Variants in ARMC3 observed in about 807,000 individuals in gnomAD.
The protein encoded by ARMC3 is armadillo repeat containing 3, also known as armadillo repeat-containing protein 3.
ARMC3 carries 74 observed loss-of-function variants against 90.3 expected under a neutral mutation model. The ratio of observed to expected loss-of-function variants is 0.82; its 90% confidence interval spans 0.68 to 0.99. The LOEUF (loss-of-function observed/expected upper bound fraction) is 0.99, where lower values mean the gene tolerates loss of function less well. ARMC3 is among the 50% of genes least tolerant of loss of function. The probability of loss-of-function intolerance (pLI) is 0.00; values close to 1 mark genes in which losing one functional copy is unlikely to be tolerated. For missense variants in ARMC3, 958 were observed against 1,042.8 expected, an observed-to-expected ratio of 0.92 and a Z score of 1.12; for synonymous variants, 334 against 361.8, an observed-to-expected ratio of 0.92 and a Z score of 0.87.
At chr10:23,005,719 C>T (rs1315273802) in intron 13 of ARMC3, among the ~76,000 whole-genome samples, 1 of 152,110 alleles carries the variant, frequency 6.6e-6, no homozygotes, top group Non-Finnish European at 1.5e-5. Flanking sequence ...CAAGAATTAG[C>T]TGGGCATGGT....
intron 10 of ARMC3, among the ~76,000 whole-genome samples, chr10:22,986,583 C>CCAAAA (rs112786304): frequency 2.7e-5 from 4 of 148,422 alleles, no homozygotes; most frequent in East Asian, 2.0e-4. Context: ...AAAAACAAAC[C>CCAAAA]CAAAACAAAA....
At chr10:22,949,115 C>T (rs572217892) in intron 3 of ARMC3, among the ~76,000 whole-genome samples, 1 of 152,156 alleles carries the variant, frequency 6.6e-6, no homozygotes, top group East Asian at 1.9e-4. Flanking sequence ...TGTTCTAGTA[C>T]CACCTAGTAA....
intron 2 of ARMC3, among the ~76,000 whole-genome samples, chr10:22,936,995 C>T (rs983386448): frequency 1.3e-5 from 2 of 152,054 alleles, no homozygotes; most frequent in African/African-American, 4.8e-5. Context: ...CCTCCACCTC[C>T]CAGCTCAACT....
At chr10:23,005,635 C>T (rs1488071150) in intron 13 of ARMC3, among the ~76,000 whole-genome samples, 3 of 152,082 alleles carry the variant, frequency 2.0e-5, no homozygotes, top group African/African-American at 4.8e-5. Context: ...GAGGCCGAGG[C>T]GGGTGGATCA....
At chr10:23,018,206 C>T (rs1374498146) in intron 16 of ARMC3, among the ~76,000 whole-genome samples, 2 of 152,202 alleles carry the variant, frequency 1.3e-5, no homozygotes, top group African/African-American at 4.8e-5. Flanking sequence ...CCACCCAGGC[C>T]TGTTCTGGAG....
chr10:22,981,189 G>A (rs1011036476), intron 8 of ARMC3, 151 bp from the exon 9 acceptor site: 2 of 705,576 alleles, frequency 2.8e-6, no homozygotes, highest in African/African-American at 3.6e-5. Flanking sequence ...GTATTCTAAA[G>A]TTAAATAGTT....
intron 18 of ARMC3, 54 bp from the exon 19 acceptor site, chr10:23,037,216 T>C (rs946086727): frequency 1.4e-6 from 2 of 1,440,700 alleles, no homozygotes; most frequent in African/African-American, 2.8e-5. Context: ...AAATAGGATA[T>C]TCCCCACCCC....
chr10:22,933,573 A>G (rs926995742), intron 2 of ARMC3, among the ~76,000 whole-genome samples: 1 of 152,012 alleles, frequency 6.6e-6, no homozygotes, highest in Admixed American at 6.6e-5. Flanking sequence ...TGTAACATTG[A>G]CCAATGGTCC....
At chr10:23,036,798 A>T (rs891789020) in intron 18 of ARMC3, among the ~76,000 whole-genome samples, 2 of 152,228 alleles carry the variant, frequency 1.3e-5, no homozygotes, top group African/African-American at 4.8e-5. Flanking sequence ...GGCAGCAAGG[A>T]GCCCTAGGAC....
intron 8 of ARMC3, among the ~76,000 whole-genome samples, chr10:22,979,149 C>A (rs1836075103): frequency 6.6e-6 from 1 of 152,188 alleles, no homozygotes; most frequent in African/African-American, 2.4e-5. Context: ...TCATTACATA[C>A]AGATTTGTTT....
intron 16 of ARMC3, among the ~76,000 whole-genome samples, chr10:23,016,808 A>G (rs1194962635): frequency 6.6e-6 from 1 of 152,198 alleles, no homozygotes; most frequent in Non-Finnish European, 1.5e-5. Flanking sequence ...CTTCATGCCA[A>G]ATGACTCCTT....
At chr10:22,971,441 GTTTTTTTTTT>G (rs766355258) in intron 8 of ARMC3, among the ~76,000 whole-genome samples, 1 of 128,544 alleles carries the variant, frequency 7.8e-6, no homozygotes, top group East Asian at 2.2e-4. Flanking sequence ...TATATTTTTA[GTTTTTTTTTT>G]TTTTTTTTTG....
chr10:22,949,553 T>C (rs1236490745), intron 3 of ARMC3, among the ~76,000 whole-genome samples: 1 of 152,128 alleles, frequency 6.6e-6, no homozygotes, highest in Non-Finnish European at 1.5e-5. Flanking sequence ...TAACACAACC[T>C]GTCCAAAATG....
At chr10:23,032,686 C>T (rs958713474) in intron 17 of ARMC3, among the ~76,000 whole-genome samples, 175 bp from the exon 18 acceptor site, 9 of 152,124 alleles carry the variant, frequency 5.9e-5, no homozygotes, top group African/African-American at 2.2e-4. Context: ...ATACAGTAAG[C>T]ATGCTATGCT....
intron 10 of ARMC3, among the ~76,000 whole-genome samples, chr10:22,992,114 G>A (rs190398448): frequency 3.9e-5 from 6 of 152,306 alleles, no homozygotes; most frequent in Non-Finnish European, 7.4e-5. Flanking sequence ...TAGCATGTAT[G>A]GAAGTGAAGT....
intron 18 of ARMC3, among the ~76,000 whole-genome samples, chr10:23,033,356 G>T (rs1838998191): frequency 1.3e-5 from 2 of 152,164 alleles, no homozygotes; most frequent in South Asian, 4.1e-4. Flanking sequence ...CTACACTCAA[G>T]GGGTACCTAA....
At chr10:22,971,591 C>G (rs1224504546) in intron 8 of ARMC3, among the ~76,000 whole-genome samples, 2 of 151,862 alleles carry the variant, frequency 1.3e-5, no homozygotes, top group African/African-American at 4.8e-5. Flanking sequence ...CAGGCACGCA[C>G]CACCACACCC....
intron 2 of ARMC3, among the ~76,000 whole-genome samples, chr10:22,945,428 C>T (rs1005392871): frequency 2.6e-5 from 4 of 152,028 alleles, no homozygotes; most frequent in South Asian, 2.1e-4. Flanking sequence ...AACAATAGTT[C>T]GTTTCAATTA....
At chr10:22,992,483 GCTTTA>G (rs942157545) in intron 10 of ARMC3, among the ~76,000 whole-genome samples, 2 of 152,074 alleles carry the variant, frequency 1.3e-5, no homozygotes, top group Admixed American at 6.6e-5. Flanking sequence ...CTGTGGCTAG[GCTTTA>G]CTTTAATTAT....
Sources: allele counts gnomAD v4.1 joint callset (sites outside exome capture counted in the v4.1 genomes callset), GRCh38; gene constraint gnomAD v4.1.1; transcripts MANE v1.5; gene names NCBI Gene and HGNC (gene_info 2026-07-23, HGNC 2026-07-21).